ARHGEF11: variants seen among roughly 807,000 people sequenced by gnomAD.
ARHGEF11 encodes the protein Rho guanine nucleotide exchange factor 11.
Under a neutral mutation model 193.7 loss-of-function variants are expected in ARHGEF11, and 55 were observed. That is an observed-to-expected ratio of 0.28 (90% CI 0.23 to 0.36). The LOEUF (loss-of-function observed/expected upper bound fraction) is 0.36. ARHGEF11 is among the 10% of genes least tolerant of loss of function. The probability of loss-of-function intolerance (pLI) is 1.00; values close to 1 mark genes in which losing one functional copy is unlikely to be tolerated. For synonymous variants in ARHGEF11, 693 were observed against 768.0 expected, an observed-to-expected ratio of 0.90 and a Z score of 1.62; for missense variants, 1,723 against 2,005.6, an observed-to-expected ratio of 0.86 and a Z score of 2.69.
chr1:156,992,928 G>T (rs971502551), intron 1 of ARHGEF11, among the ~76,000 whole-genome samples: 3 of 152,170 alleles, frequency 2.0e-5, no homozygotes, highest in African/African-American at 7.2e-5. Context: ...ATAACATCAC[G>T]TCCTTTCCAT....
intron 7 of ARHGEF11, among the ~76,000 whole-genome samples, chr1:156,974,980 A>AC (rs1663057303): frequency 6.6e-6 from 1 of 152,198 alleles, no homozygotes; most frequent in South Asian, 2.1e-4. Flanking sequence ...ATGTTCATGT[A>AC]CAAGTTTTTG....
chr1:156,939,819 T>C lies in ARHGEF11; in HGVS notation c.3825A>G (p.Thr1275=). The C allele has an allele frequency of 6.2e-7, 1 of 1,613,458 alleles. No individual in the cohort carries two copies. Among genetic ancestry groups the C allele is most frequent in the East Asian group, 2.2e-5 (1 of 44,866 alleles). ...QAAQEPEDDL[T]PTPSVISVTS... The stretch of plus-strand genomic sequence containing the variant: ...TGACGCTGATGACAGAAGGTGTGGG[T>C]GTCAGGTCGTCCTCGGGCTCCTGGG... The change falls in exon 37 of 41, where the codon ACA becomes ACG. Residue 1275 remains threonine, a synonymous_variant. Coordinates refer to ENST00000368194, the MANE Select transcript of ARHGEF11 (RefSeq NM_198236.3).
intron 1 of ARHGEF11, among the ~76,000 whole-genome samples, chr1:157,004,657 T>C (rs969375058): frequency 6.6e-6 from 1 of 151,624 alleles, no homozygotes; most frequent in Non-Finnish European, 1.5e-5. Context: ...TGAAGACGGG[T>C]GGGGTGAGGG....
intron 13 of ARHGEF11, among the ~76,000 whole-genome samples, chr1:156,962,454 C>A (rs1269387675): frequency 6.6e-6 from 1 of 152,216 alleles, no homozygotes; most frequent in Non-Finnish European, 1.5e-5. Context: ...GCACTTTGGT[C>A]TCCATCCCTT....
intron 1 of ARHGEF11, among the ~76,000 whole-genome samples, chr1:156,996,280 A>G (rs886181891): frequency 6.6e-6 from 1 of 152,214 alleles, no homozygotes; most frequent in Non-Finnish European, 1.5e-5. Context: ...ACTGCATGTT[A>G]AAGTGTGTTG....
In ARHGEF11 at chr1:156,945,004, G is replaced by T; in HGVS notation, c.2991+15C>A. ...AAAGTGTGAGGGGTTGACTGCTGCAGCCTCTGCCTCCTACCTTGAACTCTG... is the reference window on the plus strand; with the variant it reads ...AAAGTGTGAGGGGTTGACTGCTGCATCCTCTGCCTCCTACCTTGAACTCTG... On this transcript the variant is annotated intron_variant, in intron 30 of 40. Transcript: ENST00000368194. 1 of 1,611,172 alleles carries T rather than the reference G, an allele frequency of 6.2e-7. No homozygotes were observed.
chr1:157,014,328 C>T (rs1214090248), intron 1 of ARHGEF11, among the ~76,000 whole-genome samples: 1 of 152,136 alleles, frequency 6.6e-6, no homozygotes, highest in Non-Finnish European at 1.5e-5. Flanking sequence ...CTCACTCATG[C>T]CTCTCCTAAA....
intron 28 of ARHGEF11, 61 bp from the exon 29 acceptor site, chr1:156,946,223 G>T: frequency 7.0e-7 from 1 of 1,424,112 alleles, no homozygotes; most frequent in Non-Finnish European, 9.8e-7. Flanking sequence ...TGGCTTATGG[G>T]CTCAGGGCCA....
rs959919753 is a variant in ARHGEF11 at position 157,018,858 on chromosome 1, A to G, written c.32+25441T>C. ...CAATGGATTTTCAGCAAAGATGCCA[A>G]CACAATTCAATGAGGAAAGAATATG... On this transcript the variant is annotated intron_variant, in intron 1 of 40. Coordinates refer to ENST00000368194, the MANE Select transcript of ARHGEF11 (RefSeq NM_198236.3). Among the ~76,000 whole-genome samples the G allele has an allele frequency of 5.3e-5, 8 of 152,328 alleles. No homozygotes were observed. In the East Asian group the frequency reaches 1.2e-3, roughly 22 times the overall value.
rs1217554205 is a variant in ARHGEF11, at chr1:156,971,803, A to G, written c.596T>C (p.Val199Ala). ...TAGGCTGGCGGGGTTCCGGCTATAGACCTCACAGATACGCTAGGGATGGGT... is the reference window on the plus strand; with the variant it reads ...TAGGCTGGCGGGGTTCCGGCTATAGGCCTCACAGATACGCTAGGGATGGGT... Reference protein sequence around the residue: ...EEKELQRICEVYSRNPASLLE... With the variant: ...EEKELQRICEAYSRNPASLLE... Residue 199 changes from valine to alanine, a missense_variant, in exon 8 of 41, where the codon GTC becomes GCC. Physicochemically the swap from Val to Ala is moderately conservative, Grantham distance 64. Transcript: ENST00000368194. The G allele has an allele frequency of 6.2e-6, 10 of 1,613,258 alleles. No homozygotes were observed. Among genetic ancestry groups the G allele is most frequent in the Non-Finnish European group, 8.5e-6 (10 of 1,179,904 alleles).
intron 17 of ARHGEF11, 97 bp from the exon 18 acceptor site, chr1:156,957,912 A>G (rs1660203981): frequency 8.2e-7 from 1 of 1,212,808 alleles, no homozygotes; most frequent in South Asian, 1.2e-5. Context: ...CCTAGATGAA[A>G]GGAGGGTTAG....
intron 1 of ARHGEF11, 33 bp downstream of exon 1, chr1:157,044,266 A>G: frequency 1.2e-6 from 2 of 1,605,262 alleles, no homozygotes; most frequent in Admixed American, 3.3e-5. Flanking sequence ...TCCTTTAGTC[A>G]ATGTTGAAAA....
At position 156,947,102 on chromosome 1, in the gene ARHGEF11, A is replaced by G. The variant is rs1012645439; in HGVS notation, c.2489-87T>C. On this transcript the variant is annotated intron_variant, in intron 26 of 40. Transcript: ENST00000368194. The stretch of plus-strand genomic sequence containing the variant: ...TGACAGAGAGAAGTGAATCTCTGAC[A>G]GCAGTGCCATGGGAAGGGTCTGGAA... The G allele has an allele frequency of 1.9e-6, 3 of 1,550,924 alleles. No individual in the cohort carries two copies. In the African/African-American group the frequency reaches 4.1e-5, roughly 21 times the overall value.
At chr1:156,940,504 C>G in intron 35 of ARHGEF11, 79 bp from the exon 36 acceptor site, 2 of 1,342,170 alleles carry the variant, frequency 1.5e-6, no homozygotes, top group Admixed American at 4.5e-5. Flanking sequence ...AGCTTTGGAG[C>G]CAAGGGGCTG....
chr1:156,996,411 C>T (rs1201602477), intron 1 of ARHGEF11, among the ~76,000 whole-genome samples: 3 of 151,890 alleles, frequency 2.0e-5, no homozygotes, highest in African/African-American at 7.3e-5. Context: ...TGTGGAAGGA[C>T]ATTCTAGGGG....
intron 7 of ARHGEF11, among the ~76,000 whole-genome samples, chr1:156,973,627 T>C (rs183543052): frequency 5.7e-4 from 87 of 152,318 alleles, no homozygotes; most frequent in Non-Finnish European, 1.0e-3. Context: ...CACCTTACAC[T>C]AGTATACCCA....
intron 15 of ARHGEF11, among the ~76,000 whole-genome samples, chr1:156,959,925 C>CG (rs1557861930): frequency 1.1e-4 from 4 of 36,228 alleles, no homozygotes; most frequent in Non-Finnish European, 1.7e-4. Context: ...ACAAAAATAA[C>CG]CCCCCCTCCC....
intron 1 of ARHGEF11, among the ~76,000 whole-genome samples, chr1:157,040,168 C>T (rs184892384): frequency 2.6e-5 from 4 of 152,278 alleles, no homozygotes; most frequent in African/African-American, 7.2e-5. Flanking sequence ...GCTGCAAATC[C>T]ATTGTGTCTC....
In ARHGEF11 at chr1:156,967,322, G is replaced by A. The variant is rs553391820; in HGVS notation, c.963+665C>T. On this transcript the variant is annotated intron_variant, in intron 11 of 40. Transcript: ENST00000368194. ...ACAACGTCTGAACGTTGTTAGACACGGTTAACGGTGTCTGAAAAACAACAG... is the reference window on the plus strand; with the variant it reads ...ACAACGTCTGAACGTTGTTAGACACAGTTAACGGTGTCTGAAAAACAACAG... Among the ~76,000 whole-genome samples the A allele has an allele frequency of 1.4e-4, 21 of 152,292 alleles. No homozygotes were observed. The South Asian group carries it at 4.1e-3, about 30-fold the overall frequency.
Sources: gnomAD v4.1 joint callset for allele counts (sites outside exome capture counted in the v4.1 genomes callset) on GRCh38, gnomAD v4.1.1 for gene constraint, MANE v1.5 for transcripts, NCBI Gene and HGNC (gene_info 2026-07-23, HGNC 2026-07-21) for gene names.